CDKAL1: variants seen among roughly 807,000 people sequenced by gnomAD.
CDKAL1 encodes the protein threonylcarbamoyladenosine tRNA methylthiotransferase.
In CDKAL1, 32 loss-of-function variants were observed where a neutral mutation model predicts 68.2. The observed-to-expected ratio is 0.47, with a 90% CI of 0.35 to 0.63. CDKAL1 has a LOEUF of 0.63. Among genes scored for constraint, CDKAL1 ranks in the 30% least tolerant of loss-of-function variants. The pLI is 0.00. For synonymous variants in CDKAL1, 234 were observed against 244.3 expected, an observed-to-expected ratio of 0.96 and a Z score of 0.39; for missense variants, 606 against 696.7, an observed-to-expected ratio of 0.87 and a Z score of 1.47.
chr6:20,730,101 C>G (rs1772841109), intron 5 of CDKAL1, among the ~76,000 whole-genome samples: 1 of 151,984 alleles, frequency 6.6e-6, no homozygotes, highest in Admixed American at 6.6e-5. Flanking sequence ...GGACAGATCA[C>G]TTGAGCTCAG....
intron 4 of CDKAL1, among the ~76,000 whole-genome samples, chr6:20,621,652 T>C (rs1767195692): frequency 6.6e-6 from 1 of 152,192 alleles, no homozygotes; most frequent in African/African-American, 2.4e-5. Context: ...ATACTTTGAG[T>C]TATAATTCAA....
Position 20,781,179 on chromosome 6 carries a change from T to A in CDKAL1, c.552T>A (p.Asp184Glu), listed in dbSNP as rs1360583795. The A allele has an allele frequency of 6.2e-7, 1 of 1,613,922 alleles. No individual in the cohort carries two copies. Among genetic ancestry groups the A allele is most frequent in the South Asian group, 1.1e-5 (1 of 91,054 alleles). ...TGAGACTGCTGGGTCAGAAAAAGGA[T>A]AATGGAAGGCGGCTTGGGGGAGCAC... ...HSVRLLGQKK[D>E]NGRRLGGARL... The change falls in exon 8 of 16, where the codon GAT becomes GAA. Residue 184 changes from aspartate (D) to glutamate (E), a missense_variant. Asp to Glu is a conservative substitution (Grantham distance 45, BLOSUM62 2). Coordinates refer to ENST00000274695, the MANE Select transcript of CDKAL1 (RefSeq NM_017774.3).
chr6:20,618,036 G>A (rs1267905149), intron 4 of CDKAL1, among the ~76,000 whole-genome samples: 3 of 152,168 alleles, frequency 2.0e-5, no homozygotes, highest in Non-Finnish European at 4.4e-5. Flanking sequence ...TCCCACCAAC[G>A]GTGTAAAAGT....
chr6:20,754,446 T>C (rs1774080516), intron 6 of CDKAL1, among the ~76,000 whole-genome samples: 1 of 152,236 alleles, frequency 6.6e-6, no homozygotes, highest in Non-Finnish European at 1.5e-5. Context: ...CCACTATCCA[T>C]CTCTAGAATA....
intron 13 of CDKAL1, among the ~76,000 whole-genome samples, chr6:21,172,318 C>G (rs1401486696): frequency 6.6e-6 from 1 of 152,182 alleles, no homozygotes; most frequent in Non-Finnish European, 1.5e-5. Flanking sequence ...TTTATTATTC[C>G]TCTTCCACGC....
At chr6:21,011,889 T>C (rs1178857606) in intron 11 of CDKAL1, among the ~76,000 whole-genome samples, 4 of 152,166 alleles carry the variant, frequency 2.6e-5, no homozygotes, top group Non-Finnish European at 5.9e-5. Context: ...TATATATTTA[T>C]GTATATAAAA....
At chr6:20,599,202 G>A (rs544501705) in intron 4 of CDKAL1, among the ~76,000 whole-genome samples, 7 of 149,668 alleles carry the variant, frequency 4.7e-5, no homozygotes, top group South Asian at 2.1e-4. Flanking sequence ...GTAGATATAC[G>A]TACATATTAT....
intron 9 of CDKAL1, among the ~76,000 whole-genome samples, 185 bp downstream of exon 9, chr6:20,846,363 C>G (rs1778376129): frequency 6.6e-6 from 1 of 152,140 alleles, no homozygotes. Flanking sequence ...ATTAATGACT[C>G]TTCTTTTACT....
chr6:21,033,364 AG>A (rs1769399182), intron 11 of CDKAL1, among the ~76,000 whole-genome samples: 1 of 152,158 alleles, frequency 6.6e-6, no homozygotes, highest in Non-Finnish European at 1.5e-5. Flanking sequence ...GTGCTTGACT[AG>A]TGATAAAGGA....
intron 9 of CDKAL1, among the ~76,000 whole-genome samples, chr6:20,897,969 G>T (rs952056527): frequency 6.6e-6 from 1 of 152,100 alleles, no homozygotes; most frequent in Non-Finnish European, 1.5e-5. Flanking sequence ...CTGATGAATT[G>T]ATAAAGGTAA....
chr6:21,129,040 T>C (rs1250084077), intron 13 of CDKAL1, among the ~76,000 whole-genome samples: 1 of 152,146 alleles, frequency 6.6e-6, no homozygotes, highest in Non-Finnish European at 1.5e-5. Context: ...GTCTCTAAAA[T>C]GGGAATAAAA....
At chr6:20,754,385 T>G (rs921335438) in intron 6 of CDKAL1, among the ~76,000 whole-genome samples, 2 of 152,212 alleles carry the variant, frequency 1.3e-5, no homozygotes, top group African/African-American at 4.8e-5. Flanking sequence ...TTGACCACTG[T>G]AACCATTTTT....
chr6:21,108,280 TAAAAA>T, intron 12 of CDKAL1, 116 bp from the exon 13 acceptor site: 1 of 455,940 alleles, frequency 2.2e-6, no homozygotes, highest in Non-Finnish European at 3.7e-6. Context: ...AAGAATCTCT[TAAAAA>T]AAAAAAAAAA....
chr6:21,186,988 A>G (rs571275278), intron 13 of CDKAL1, among the ~76,000 whole-genome samples: 49 of 152,350 alleles, frequency 3.2e-4, no homozygotes, highest in Non-Finnish European at 6.2e-4. Context: ...TTACTCCAGT[A>G]TATCAAAACT....
chr6:20,811,050 C>G (rs1776793624), intron 8 of CDKAL1, among the ~76,000 whole-genome samples: 1 of 152,150 alleles, frequency 6.6e-6, no homozygotes, highest in Non-Finnish European at 1.5e-5. Flanking sequence ...GGAGACATAG[C>G]AGGTACAACG....
At chr6:20,927,413 C>A (rs1763236159) in intron 9 of CDKAL1, among the ~76,000 whole-genome samples, 2 of 152,172 alleles carry the variant, frequency 1.3e-5, no homozygotes, top group Non-Finnish European at 2.9e-5. Flanking sequence ...TCAGCACCTC[C>A]TATTTTGAAA....
intron 4 of CDKAL1, among the ~76,000 whole-genome samples, chr6:20,568,055 T>G (rs1472180821): frequency 6.6e-6 from 1 of 152,034 alleles, no homozygotes. Context: ...TTTTTGTACT[T>G]TTAGTAGAGA....
intron 10 of CDKAL1, among the ~76,000 whole-genome samples, chr6:20,983,059 C>T (rs370023628): frequency 1.3e-5 from 2 of 152,218 alleles, no homozygotes; most frequent in East Asian, 3.9e-4. Context: ...CATGTAGTAA[C>T]TAGAAATGCT....
intron 13 of CDKAL1, among the ~76,000 whole-genome samples, chr6:21,182,622 G>C (rs1024543562): frequency 2.0e-5 from 3 of 152,170 alleles, no homozygotes; most frequent in Admixed American, 1.3e-4. Flanking sequence ...GTATGTTAAT[G>C]AAGGGGTACT....
Sources: gnomAD v4.1 joint callset for allele counts (sites outside exome capture counted in the v4.1 genomes callset) on GRCh38, gnomAD v4.1.1 for gene constraint, MANE v1.5 for transcripts, NCBI Gene and HGNC (gene_info 2026-07-23, HGNC 2026-07-21) for gene names.